The following ANKRD29 variants were observed in gnomAD, a reference collection of about 807,000 sequenced individuals.
The protein encoded by ANKRD29 is ankyrin repeat domain-containing protein 29.
ANKRD29 carries 32 observed loss-of-function variants against 38.0 expected under a neutral mutation model. The observed-to-expected ratio is 0.84, with a 90% CI of 0.64 to 1.13. The LOEUF (loss-of-function observed/expected upper bound fraction) is 1.13, where lower values mean the gene tolerates loss of function less well. ANKRD29 is among the 50% of genes most tolerant of loss of function. The pLI is 0.00. For synonymous variants in ANKRD29, 135 were observed against 152.4 expected (o/e 0.89, Z 0.84); for missense variants, 357 against 377.9 (o/e 0.94, Z 0.46).
intron 2 of ANKRD29, chr18:23,647,640 C>T (rs534723576): frequency 6.6e-6 from 1 of 152,224 alleles, no homozygotes; most frequent in African/African-American, 2.4e-5. Context: ...TTGCCTCAGC[C>T]TCCTGAGTAG....
chr18:23,620,256 G>A (rs2059779927), intron 6 of ANKRD29, among the ~76,000 whole-genome samples: 1 of 152,106 alleles, frequency 6.6e-6, no homozygotes, highest in South Asian at 2.1e-4. Context: ...CTTAATTTTA[G>A]GTGGAATCTG....
Position 23,649,203 on chromosome 18 carries a change from CA to C in ANKRD29, c.22-11del. ...CAAGTGGAGTTTCCTTCTGCAAGAA[CA>C]AAATGAAACAGGATCTTAAAATTGA... is the stretch of plus-strand genomic sequence containing the variant. On this transcript the variant is annotated splice_polypyrimidine_tract_variant and intron_variant, in intron 1 of 9. Transcript: ENST00000592179. 1.2e-6 allele frequency: 2 copies of C among 1,601,648 alleles called. No homozygotes were observed. The highest frequency in any genetic ancestry group is 1.7e-6 in the Non-Finnish European group (2 of 1,171,124).
At chr18:23,655,686 C>G (rs971055299) in intron 1 of ANKRD29, among the ~76,000 whole-genome samples, 4 of 151,824 alleles carry the variant, frequency 2.6e-5, no homozygotes, top group African/African-American at 9.6e-5. Context: ...AACTCCTGAC[C>G]TCAGGTGATC....
At chr18:23,652,409 C>T (rs1653498987) in intron 1 of ANKRD29, among the ~76,000 whole-genome samples, 1 of 152,176 alleles carries the variant, frequency 6.6e-6, no homozygotes, top group African/African-American at 2.4e-5. Context: ...ACTGTTCTGC[C>T]TCCTGTGGAA....
intron 3 of ANKRD29, among the ~76,000 whole-genome samples, chr18:23,644,894 T>C (rs1296382376): frequency 2.0e-5 from 3 of 152,144 alleles, no homozygotes; most frequent in Admixed American, 6.5e-5. Context: ...TTTGTAGAGA[T>C]GGGGTCTTGC....
intron 2 of ANKRD29, 42 bp from the exon 3 acceptor site, chr18:23,646,329 T>A: frequency 6.4e-7 from 1 of 1,567,896 alleles, no homozygotes; most frequent in East Asian, 2.2e-5. Context: ...GCCACTGCTA[T>A]GTCAGAGAGA....
intron 8 of ANKRD29, among the ~76,000 whole-genome samples, chr18:23,612,859 G>A (rs1190458275): frequency 1.3e-5 from 2 of 152,276 alleles, no homozygotes; most frequent in East Asian, 3.9e-4. Flanking sequence ...GGACCACGGA[G>A]AGGAGGGGAG....
At chr18:23,645,022 A>C (rs2060120865) in intron 3 of ANKRD29, among the ~76,000 whole-genome samples, 1 of 152,180 alleles carries the variant, frequency 6.6e-6, no homozygotes, top group South Asian at 2.1e-4. Flanking sequence ...GATATACGAT[A>C]TACTGGCTTG....
At chr18:23,640,629 C>T (rs919370491) in intron 3 of ANKRD29, among the ~76,000 whole-genome samples, 1 of 152,178 alleles carries the variant, frequency 6.6e-6, no homozygotes, top group Non-Finnish European at 1.5e-5. Context: ...CATTCTGAGA[C>T]ACAGTTTTTA....
intron 3 of ANKRD29, among the ~76,000 whole-genome samples, chr18:23,644,378 G>T (rs2060113059): frequency 6.6e-6 from 1 of 152,172 alleles, no homozygotes; most frequent in South Asian, 2.1e-4. Flanking sequence ...AATAAACAAA[G>T]ACCATAAAGC....
intron 1 of ANKRD29, among the ~76,000 whole-genome samples, chr18:23,653,067 T>C (rs1375973943): frequency 2.6e-5 from 4 of 152,216 alleles, no homozygotes; most frequent in Non-Finnish European, 4.4e-5. Flanking sequence ...GAGCATGCTA[T>C]AGAGTTTTGT....
At position 23,646,190 on chromosome 18, in the gene ANKRD29, T is replaced by A. The variant is rs935437633; in HGVS notation, c.230A>T (p.Glu77Val). ...LQGADINLQR[E>V]SGTTALFFAA... The stretch of plus-strand genomic sequence containing the variant: ...CTTCAAGTGCAAAGCCTGACCTACC[T>A]CTCTCTGGAGATTGATGTCTGCTCC... The change falls in exon 3 of 10, where the codon GAG (glutamate) becomes GTG (valine). Residue 77 changes from glutamate (E) to valine (V), a missense_variant and splice_region_variant. By Grantham distance (121) the Glu-to-Val change is moderately radical (BLOSUM62 -2). Coordinates refer to ENST00000592179, the MANE Select transcript of ANKRD29 (RefSeq NM_173505.4). 1.2e-6 allele frequency: 2 copies of A among 1,613,916 alleles called. No individual in the cohort carries two copies. Among genetic ancestry groups the A allele is most frequent in the Admixed American group, 1.7e-5 (1 of 60,004 alleles).
chr18:23,645,098 G>T (rs183593588), intron 3 of ANKRD29, among the ~76,000 whole-genome samples: 21 of 152,164 alleles, frequency 1.4e-4, no homozygotes, highest in Non-Finnish European at 1.8e-4. Context: ...ATAAAATAAG[G>T]CTGGACCAAG....
At chr18:23,617,501 T>G (rs2059739474) in intron 8 of ANKRD29, among the ~76,000 whole-genome samples, 1 of 151,158 alleles carries the variant, frequency 6.6e-6, no homozygotes, top group Non-Finnish European at 1.5e-5. Flanking sequence ...TACTGTCGAT[T>G]TTTTTTTTTC....
At chr18:23,635,290 TAAAAAAA>T (rs111546184) in intron 4 of ANKRD29, among the ~76,000 whole-genome samples, 1 of 103,268 alleles carries the variant, frequency 9.7e-6, no homozygotes, top group Non-Finnish European at 2.1e-5. Context: ...ATAAAAAAAG[TAAAAAAA>T]AAAAAAAAAA....
At chr18:23,618,474 G>C (rs1467750022) in intron 7 of ANKRD29, 1 of 152,252 alleles carries the variant, frequency 6.6e-6, no homozygotes, top group Non-Finnish European at 1.5e-5. Flanking sequence ...CCAGCTACTC[G>C]GGAGGCTGAG....
intron 1 of ANKRD29, among the ~76,000 whole-genome samples, chr18:23,650,508 G>A (rs1420708024): frequency 6.6e-6 from 1 of 152,174 alleles, no homozygotes; most frequent in South Asian, 2.1e-4. Flanking sequence ...CATGGAAGTG[G>A]AAAACAGGTC....
chr18:23,662,308 C>T (rs1324952866), intron 1 of ANKRD29, among the ~76,000 whole-genome samples: 2 of 152,164 alleles, frequency 1.3e-5, no homozygotes, highest in Non-Finnish European at 2.9e-5. Context: ...AGGAGGCATC[C>T]GTGGGTGCAG....
intron 4 of ANKRD29, among the ~76,000 whole-genome samples, chr18:23,638,398 G>A (rs938971334): frequency 1.3e-5 from 2 of 152,106 alleles, no homozygotes; most frequent in Non-Finnish European, 2.9e-5. Flanking sequence ...ATGAAAGTAA[G>A]CTGTCTGCCA....
Sources: gnomAD v4.1 joint callset for allele counts (sites outside exome capture counted in the v4.1 genomes callset) on GRCh38, gnomAD v4.1.1 for gene constraint, MANE v1.5 for transcripts, NCBI Gene and HGNC (gene_info 2026-07-23, HGNC 2026-07-21) for gene names.